The following RNF8 variants were observed in gnomAD, a reference collection of about 807,000 sequenced individuals.
RNF8 encodes ring finger protein 8.
A neutral mutation model predicts 59.3 loss-of-function variants in RNF8; 8 were observed. The observed-to-expected ratio is 0.13, with a 90% CI of 0.08 to 0.24. The LOEUF (loss-of-function observed/expected upper bound fraction) is 0.24. Ranked by LOEUF, RNF8 falls within the 10% of genes least tolerant of loss-of-function variation. RNF8 has a pLI of 1.00. For missense variants in RNF8, 406 were observed against 572.6 expected (o/e 0.71, Z 2.97); for synonymous variants, 162 against 200.0 (o/e 0.81, Z 1.60).
At chr6:37,361,455 T>A in intron 2 of RNF8, 2 of 424,074 alleles carry the variant, frequency 4.7e-6, no homozygotes, top group Non-Finnish European at 9.5e-6. Flanking sequence ...TGCACTCCAG[T>A]GTGGCTGACA....
chr6:37,368,479 C>T lies in RNF8; in HGVS notation c.241-5C>T, dbSNP rs1400130654. The T allele has an allele frequency of 1.2e-6, 2 of 1,613,876 alleles. No homozygotes were observed. Among genetic ancestry groups the T allele is most frequent in the Non-Finnish European group, 1.7e-6 (2 of 1,179,988 alleles). On this transcript the variant is annotated splice_region_variant and splice_polypyrimidine_tract_variant and intron_variant, in intron 2 of 7. Transcript: ENST00000373479. ...CTTATTTCTTCTTTCTTTCACTTTC[C>T]CCAGAGTCTAAATGGTGTTTGGCTG...
rs1263901048 is a variant in RNF8, at chr6:37,368,711, C to T, written c.468C>T (p.Phe156=). The T allele has an allele frequency of 1.9e-6, 3 of 1,614,054 alleles. No homozygotes were observed. The South Asian group carries it at 3.3e-5, about 18-fold the overall frequency. The change falls in exon 3 of 8, where the codon TTC becomes TTT. Residue 156 remains phenylalanine (F), a synonymous_variant. Coordinates refer to ENST00000373479, the MANE Select transcript of RNF8 (RefSeq NM_003958.4). ...AGGAATTGAGAACTAAAAGGAAATT[C>T]AGTTTGGATGAATTAGCAGGTCCTG... is the stretch of plus-strand genomic sequence containing the variant. ...KNKELRTKRK[F]SLDELAGPGA... is the part of the protein sequence containing the mutation.
intron 6 of RNF8, 66 bp from the exon 7 acceptor site, chr6:37,381,084 G>A: frequency 5.7e-6 from 8 of 1,399,286 alleles, no homozygotes; most frequent in Non-Finnish European, 7.1e-6. Context: ...CTAACTTTGA[G>A]ATCACAAGCA....
chr6:37,377,053 C>T lies in RNF8; in HGVS notation c.1236+20C>T, dbSNP rs532004227. 3.9e-6 allele frequency: 3 copies of T among 767,740 alleles called. No homozygotes were observed. The highest frequency in any genetic ancestry group is 3.6e-5 in the African/African-American group (2 of 55,744). The allele number at this position is 767,740 out of a possible 1,614,324, so 47.6% of individuals were successfully genotyped here. A position where few individuals can be genotyped will look rare whatever the true frequency, so the allele number is the denominator to read the frequency against. Reference sequence around the variant, plus strand: ...ATTGAGGTAATTATGAACAGTTGCTCACCCCTTCTTTTTTTTTTTTTTTTT... The same window carrying T: ...ATTGAGGTAATTATGAACAGTTGCTTACCCCTTCTTTTTTTTTTTTTTTTT... On this transcript the variant is annotated intron_variant, in intron 6 of 7. Coordinates refer to ENST00000373479, the MANE Select transcript of RNF8 (RefSeq NM_003958.4).
At position 37,368,786 on chromosome 6, in the gene RNF8, T is replaced by G. The variant is rs1769674924; in HGVS notation, c.543T>G (p.Cys181Trp). Reference protein sequence around the residue: ...NLKSKINKVSCESGQPVKSQG... With the variant: ...NLKSKINKVSWESGQPVKSQG... ...AATCCAAAATAAATAAAGTGTCTTG[T>G]GAATCTGGTCAGCCAGTGAAATCAC... Residue 181 changes from cysteine to tryptophan, a missense_variant, in exon 3 of 8, where the codon TGT becomes TGG. Cys to Trp is a radical substitution (Grantham distance 215). This residue lies in a region of RNF8 where 285 missense variants were observed against 342.0 expected (regional missense o/e 0.83). Coordinates refer to ENST00000373479, the MANE Select transcript of RNF8 (RefSeq NM_003958.4). The G allele has an allele frequency of 6.2e-7, 1 of 1,614,062 alleles. No homozygotes were observed. Among genetic ancestry groups the G allele is most frequent in the Admixed American group, 1.7e-5 (1 of 60,008 alleles).
chr6:37,365,508 A>G (rs137949781), intron 2 of RNF8, among the ~76,000 whole-genome samples: 2,354 of 152,348 alleles, frequency 0.015, 51 homozygotes, highest in African/African-American at 0.053. Context: ...AGGTAGTTTT[A>G]CTGTATAGCC....
At chr6:37,386,836 G>C (rs1157292840) in intron 7 of RNF8, among the ~76,000 whole-genome samples, 1 of 152,220 alleles carries the variant, frequency 6.6e-6, no homozygotes, top group African/African-American at 2.4e-5. Flanking sequence ...ACTTCAGATT[G>C]TTCATTGCTA....
At chr6:37,366,936 A>G (rs78973932) in intron 2 of RNF8, among the ~76,000 whole-genome samples, 278 of 152,280 alleles carry the variant, frequency 1.8e-3, no homozygotes, top group African/African-American at 6.1e-3. Context: ...GCTGCACATG[A>G]TATTCCTTTG....
At position 37,360,216 on chromosome 6, in the gene RNF8, T is replaced by G. The variant is rs1321066953; in HGVS notation, c.112-230T>G. Among the ~76,000 whole-genome samples the G allele has an allele frequency of 6.6e-6, 1 of 152,220 alleles. No individual in the cohort carries two copies. The highest frequency in any genetic ancestry group is 1.5e-5 in the Non-Finnish European group (1 of 68,036). ...AAGATCTTGGCAACCCTGAGATACA[T>G]GGATAACTCTTTTTCAGCTTTCTCT... On this transcript the variant is annotated intron_variant, in intron 1 of 7. Transcript: ENST00000373479. This position sits in a 1 kb window ranked among gnomAD's most constrained non-coding sequence, Gnocchi z 4.2.
At chr6:37,372,838 G>A (rs9470563) in intron 4 of RNF8, among the ~76,000 whole-genome samples, 8,436 of 152,184 alleles carry the variant, frequency 0.055, 783 homozygotes, top group African/African-American at 0.19. Flanking sequence ...GCGTGGTGGC[G>A]CATGCCTGTA....
Position 37,360,674 on chromosome 6 carries a change from ACTT to A in RNF8, c.240+107_240+109del. Reference sequence around the variant, plus strand: ...TCATGGTATAAAATTCAAAAGTATAACTTCTTCTTTCCTAGCCATCCAGTTCCC... The same window carrying A: ...TCATGGTATAAAATTCAAAAGTATAACTTCTTTCCTAGCCATCCAGTTCCC... On this transcript the variant is annotated intron_variant, in intron 2 of 7. Transcript: ENST00000373479. This position sits in a 1 kb window ranked among gnomAD's most constrained non-coding sequence, Gnocchi z 4.2. The A allele has an allele frequency of 8.1e-7, 1 of 1,234,484 alleles. No homozygotes were observed. Among genetic ancestry groups the A allele is most frequent in the Non-Finnish European group, 1.1e-6 (1 of 907,640 alleles). 76.5% of individuals were successfully genotyped at this position (1,234,484 alleles called of 1,614,324 possible).
chr6:37,376,089 C>T (rs963061691), intron 5 of RNF8, among the ~76,000 whole-genome samples: 6 of 152,154 alleles, frequency 3.9e-5, no homozygotes, highest in Non-Finnish European at 8.8e-5. Context: ...AAGGCAGCTG[C>T]AAAGAACACA....
At chr6:37,374,357 A>G (rs1769927986) in intron 4 of RNF8, among the ~76,000 whole-genome samples, 1 of 152,178 alleles carries the variant, frequency 6.6e-6, no homozygotes, top group African/African-American at 2.4e-5. Context: ...TCTTCAGTTG[A>G]CTTGGATGGC....
Position 37,394,706 on chromosome 6 carries a change from A to G in RNF8, c.*3948A>G, listed in dbSNP as rs972431959. The G allele has an allele frequency of 1.3e-5, 2 of 152,194 alleles. No individual in the cohort carries two copies. Among genetic ancestry groups the G allele is most frequent in the Non-Finnish European group, 2.9e-5 (2 of 68,024 alleles). 9.4% of individuals were successfully genotyped at this position (152,194 alleles called of 1,614,324 possible). A position where few individuals can be genotyped will look rare whatever the true frequency, so the allele number is the denominator to read the frequency against. On this transcript the variant is annotated 3_prime_UTR_variant, in exon 8 of 8. Transcript: ENST00000373479. ...TGATTTGGGGCCGTTTGTACTCTGCATGTATTCAATAAATTCAATTCAGCA... is the reference window on the plus strand; with the variant it reads ...TGATTTGGGGCCGTTTGTACTCTGCGTGTATTCAATAAATTCAATTCAGCA...
intron 4 of RNF8, among the ~76,000 whole-genome samples, chr6:37,372,885 CT>C (rs1303291113): frequency 8.5e-5 from 13 of 152,268 alleles, no homozygotes; most frequent in Admixed American, 8.5e-4. Flanking sequence ...AGGAGAATCG[CT>C]TGAACCCGGG....
chr6:37,372,891 C>T lies in RNF8; in HGVS notation c.1038+1317C>T, dbSNP rs554033856. 2.2e-4 allele frequency among the ~76,000 whole-genome samples: 33 copies of T among 152,274 alleles called. No individual in the cohort carries two copies. The South Asian group carries it at 6.6e-3, about 31-fold the overall frequency. ...GGCTGAGGCAGGAGAATCGCTTGAACCCGGGATGTGGAGGTTGTAGTGAGC... is the reference window on the plus strand; with the variant it reads ...GGCTGAGGCAGGAGAATCGCTTGAATCCGGGATGTGGAGGTTGTAGTGAGC... On this transcript the variant is annotated intron_variant, in intron 4 of 7. Coordinates refer to ENST00000373479, the MANE Select transcript of RNF8 (RefSeq NM_003958.4).
At chr6:37,364,128 G>A (rs1166520341) in intron 2 of RNF8, among the ~76,000 whole-genome samples, 1 of 138,642 alleles carries the variant, frequency 7.2e-6, no homozygotes, top group East Asian at 2.2e-4. Context: ...GCAGTGAGCC[G>A]AGATCAGGCC....
intron 5 of RNF8, among the ~76,000 whole-genome samples, chr6:37,376,222 CTACT>C (rs975544008): frequency 6.6e-4 from 101 of 152,286 alleles, no homozygotes; most frequent in African/African-American, 2.0e-3. Context: ...TTGCTATAAA[CTACT>C]TAATGTCCCA....
chr6:37,379,439 C>T (rs916584283), intron 6 of RNF8, among the ~76,000 whole-genome samples: 4 of 152,166 alleles, frequency 2.6e-5, no homozygotes, highest in African/African-American at 9.7e-5. Context: ...TTATTTTGCA[C>T]TGTTATCCTA....
Sources: gnomAD v4.1 joint callset for allele counts (sites outside exome capture counted in the v4.1 genomes callset) on GRCh38, gnomAD v4.1.1 for gene constraint, gnomAD v4.1.1 regional missense constraint, Gnocchi (gnomAD v3.1) non-coding constraint, MANE v1.5 for transcripts, NCBI Gene and HGNC (gene_info 2026-07-23, HGNC 2026-07-21) for gene names.